The following GLI2 variants were observed in gnomAD, a reference collection of about 807,000 sequenced individuals.
GLI2 encodes the protein GLI family zinc finger 2.
In GLI2, 22 loss-of-function variants were observed where a neutral mutation model predicts 78.9. That is an observed-to-expected ratio of 0.28 (90% CI 0.20 to 0.40). The LOEUF (loss-of-function observed/expected upper bound fraction) is 0.40, where lower values mean the gene tolerates loss of function less well. GLI2 is among the 10% of genes least tolerant of loss of function. The pLI, the probability that GLI2 is intolerant of heterozygous loss-of-function variation, is 1.00. For synonymous variants in GLI2, 974 were observed against 963.7 expected, an observed-to-expected ratio of 1.01 and a Z score of -0.20; for missense variants, 2,097 against 2,213.2, an observed-to-expected ratio of 0.95 and a Z score of 1.05.
chr2:120,918,253 A>G (rs1679193240), intron 2 of GLI2, among the ~76,000 whole-genome samples: 1 of 152,126 alleles, frequency 6.6e-6, no homozygotes, highest in South Asian at 2.1e-4. Flanking sequence ...TGGCTGAAGG[A>G]GGGAGCATCG....
chr2:120,984,642 G>T lies in GLI2; in HGVS notation c.1804G>T (p.Gly602Cys), dbSNP rs377568773. The change falls in exon 12 of 14, where the codon GGC (glycine) becomes TGC (cysteine). Residue 602 changes from glycine to cysteine, a missense_variant. Gly to Cys is a radical substitution (Grantham distance 159, BLOSUM62 -3). Around this residue, in one of 5 missense-constraint regions of GLI2, gnomAD observed 57 missense variants for 44.5 expected, o/e 1.28. Transcript: ENST00000361492. The stretch of plus-strand genomic sequence containing the variant: ...CAAAGAGAATGGGGACAGTGAGGCC[G>T]GCACGGAGCCTGGCGGCCCAGAGAG... Reference protein sequence around the residue: ...LLKENGDSEAGTEPGGPESTE... With the variant: ...LLKENGDSEACTEPGGPESTE... The T allele has an allele frequency of 1.2e-6, 2 of 1,614,102 alleles. No individual in the cohort carries two copies. The highest frequency in any genetic ancestry group is 1.7e-6 in the Non-Finnish European group (2 of 1,180,016).
chr2:120,921,176 T>G (rs976042464), intron 2 of GLI2, among the ~76,000 whole-genome samples: 1 of 152,002 alleles, frequency 6.6e-6, no homozygotes. Context: ...AGACCACCAA[T>G]GAGTCAGGGT....
At chr2:120,775,352 G>A (rs1256204006) in intron 1 of GLI2, among the ~76,000 whole-genome samples, 1 of 152,204 alleles carries the variant, frequency 6.6e-6, no homozygotes, top group Non-Finnish European at 1.5e-5. Context: ...GCTTCGTGAC[G>A]CGTGTGTTAT....
At chr2:120,802,069 G>T (rs1203135177) in intron 2 of GLI2, among the ~76,000 whole-genome samples, 1 of 152,140 alleles carries the variant, frequency 6.6e-6, no homozygotes, top group South Asian at 2.1e-4. Context: ...GGCCCTGATG[G>T]CACCTGCTCT....
intron 2 of GLI2, among the ~76,000 whole-genome samples, chr2:120,904,928 AGGAAG>A (rs1389803339): frequency 6.6e-6 from 1 of 152,194 alleles, no homozygotes; most frequent in African/African-American, 2.4e-5. Context: ...GCAGGGAGGC[AGGAAG>A]GACAGAGCGC....
chr2:120,854,999 C>G (rs1286173128), intron 2 of GLI2, among the ~76,000 whole-genome samples: 1 of 152,246 alleles, frequency 6.6e-6, no homozygotes. Flanking sequence ...CCTGCACACC[C>G]TCCACACAGA....
Position 120,874,495 on chromosome 2 carries a change from C to T in GLI2, c.149-52866C>T, listed in dbSNP as rs530708663. ...CCCTAGCCATGCTGGCTTCTCCCTG[C>T]GTCAGCATTTGGGGAAAGACGGATG... On this transcript the variant is annotated intron_variant, in intron 2 of 13. Transcript: ENST00000361492. Among the ~76,000 whole-genome samples the T allele has an allele frequency of 1.8e-4, 27 of 152,356 alleles. 2 individuals carry two copies. The South Asian group carries it at 3.1e-3, about 18-fold the overall frequency.
chr2:120,966,319 C>CA (rs1681853348), intron 5 of GLI2, among the ~76,000 whole-genome samples: 1 of 152,150 alleles, frequency 6.6e-6, no homozygotes. Flanking sequence ...ACAGGTAAAA[C>CA]AATTTGCCCC....
intron 2 of GLI2, among the ~76,000 whole-genome samples, chr2:120,815,498 G>A (rs920490970): frequency 1.1e-4 from 17 of 152,300 alleles, no homozygotes; most frequent in Non-Finnish European, 2.4e-4. Context: ...CTGTGCTGCC[G>A]TGTGTGTGGC....
chr2:120,792,872 C>G (rs976931272), intron 1 of GLI2, among the ~76,000 whole-genome samples: 4 of 152,166 alleles, frequency 2.6e-5, no homozygotes, highest in Non-Finnish European at 5.9e-5. Context: ...CCGCCTGCCT[C>G]GGCCTCCCAA....
chr2:120,981,294 G>A (rs1387206663), intron 10 of GLI2, among the ~76,000 whole-genome samples: 1 of 152,198 alleles, frequency 6.6e-6, no homozygotes, highest in East Asian at 1.9e-4. Context: ...CATTTGAATG[G>A]TCTTGGTATC....
chr2:120,827,322 G>C (rs753676800), intron 2 of GLI2, among the ~76,000 whole-genome samples: 1 of 152,176 alleles, frequency 6.6e-6, no homozygotes, highest in Non-Finnish European at 1.5e-5. Context: ...AAGAGTCAGT[G>C]GGGATTCATA....
intron 2 of GLI2, among the ~76,000 whole-genome samples, chr2:120,890,241 T>G (rs1677612772): frequency 6.6e-6 from 1 of 152,176 alleles, no homozygotes; most frequent in Admixed American, 6.5e-5. Context: ...TCCATTTATG[T>G]AACATGTTTG....
chr2:120,858,405 T>C (rs945863858), intron 2 of GLI2, among the ~76,000 whole-genome samples: 1 of 152,212 alleles, frequency 6.6e-6, no homozygotes, highest in African/African-American at 2.4e-5. Flanking sequence ...CAAGGCTACT[T>C]TGTTGAGTTA....
intron 1 of GLI2, among the ~76,000 whole-genome samples, chr2:120,740,107 T>TAA (rs34152694): frequency 1.3e-5 from 2 of 150,934 alleles, no homozygotes; most frequent in Admixed American, 6.6e-5. Context: ...TATCAAGAAT[T>TAA]AAAAAAAAAA....
chr2:120,962,724 C>T (rs4848668), intron 5 of GLI2, among the ~76,000 whole-genome samples: 121,999 of 152,178 alleles, frequency 0.8, 52,975 homozygotes, highest in East Asian at 1. Flanking sequence ...AGGGAAGAGG[C>T]GCATTAATAA....
intron 2 of GLI2, among the ~76,000 whole-genome samples, chr2:120,890,744 T>C (rs538601100): frequency 2.0e-4 from 31 of 152,234 alleles, no homozygotes; most frequent in Non-Finnish European, 4.1e-4. Context: ...CACTAGCTTG[T>C]CCTCAAGTAA....
Position 120,758,120 on chromosome 2 carries a change from G to A in GLI2, c.-31+21835G>A, listed in dbSNP as rs186147296. Reference sequence around the variant, plus strand: ...TGGCCAGCGGGTGTGAGGAGGGATGGCTGGGGAGAGGCCTGAAGCTGACAG... The same window carrying A: ...TGGCCAGCGGGTGTGAGGAGGGATGACTGGGGAGAGGCCTGAAGCTGACAG... On this transcript the variant is annotated intron_variant, in intron 1 of 13. Coordinates refer to ENST00000361492, the MANE Select transcript of GLI2 (RefSeq NM_001374353.1). Among the ~76,000 whole-genome samples the A allele has an allele frequency of 2.7e-4, 41 of 152,324 alleles. 1 individual carries two copies. The highest frequency in any genetic ancestry group is 9.6e-4 in the African/African-American group (40 of 41,568).
chr2:120,746,310 G>T (rs1682691847), intron 1 of GLI2, among the ~76,000 whole-genome samples: 1 of 152,218 alleles, frequency 6.6e-6, no homozygotes, highest in Non-Finnish European at 1.5e-5. Flanking sequence ...GAGAAGCGAA[G>T]CTCCCAGACC....
Sources: allele counts gnomAD v4.1 joint callset (sites outside exome capture counted in the v4.1 genomes callset), GRCh38; gene constraint gnomAD v4.1.1; regional missense constraint gnomAD v4.1.1; transcripts MANE v1.5; gene names NCBI Gene and HGNC (gene_info 2026-07-23, HGNC 2026-07-21).